The following MGST1 variants were observed in gnomAD, a reference collection of about 807,000 sequenced individuals.
The protein encoded by MGST1 is microsomal glutathione S-transferase 1.
A neutral mutation model predicts 8.9 loss-of-function variants in MGST1; 5 were observed. The observed-to-expected ratio is 0.56, with a 90% CI of 0.29 to 1.19. The LOEUF (loss-of-function observed/expected upper bound fraction) is 1.19, where lower values mean the gene tolerates loss of function less well. Among genes scored for constraint, MGST1 ranks in the 50% most tolerant of loss-of-function variants. The pLI is 0.08. For missense variants in MGST1, 182 were observed against 187.4 expected, an observed-to-expected ratio of 0.97 and a Z score of 0.17; for synonymous variants, 54 against 67.8, an observed-to-expected ratio of 0.80 and a Z score of 1.00.
chr12:16,347,821 TTG>T lies in MGST1; in HGVS notation c.-23+112_-23+113del, dbSNP rs1939270286. On this transcript the variant is annotated intron_variant, in intron 1 of 3. Transcript: ENST00000396210. The surrounding 1 kb of genome is among the most constrained non-coding windows in gnomAD (Gnocchi z 4.0). ...GGGGGTCTCTGCCAGCTGGAAGTGCTTGGCTCCACTTAGCAGCTAAACTTAGC... is the reference window on the plus strand; with the variant it reads ...GGGGGTCTCTGCCAGCTGGAAGTGCTGCTCCACTTAGCAGCTAAACTTAGC... 6.6e-6 allele frequency: 1 copy of T among 152,318 alleles called. No individual in the cohort carries two copies. The highest frequency in any genetic ancestry group is 2.1e-4 in the South Asian group (1 of 4,838). The allele number at this position is 152,318 out of a possible 1,614,324, so 9.4% of individuals were successfully genotyped here. A position where few individuals can be genotyped will look rare whatever the true frequency, so the allele number is the denominator to read the frequency against.
intron 4 of MGST1, among the ~76,000 whole-genome samples, chr12:16,556,430 C>T (rs1354085063): frequency 2.1e-5 from 3 of 143,728 alleles, no homozygotes; most frequent in African/African-American, 9.0e-5. Context: ...ATATAAGGGA[C>T]AATCAATCCT....
chr12:16,409,176 G>A (rs1256441802), intron 1 of MGST1, among the ~76,000 whole-genome samples: 3 of 152,040 alleles, frequency 2.0e-5, no homozygotes, highest in Non-Finnish European at 4.4e-5. Context: ...TCCTTGAACA[G>A]TTCACAAAGA....
chr12:16,578,818 AAACAAC>A (rs201327858), intron 4 of MGST1, among the ~76,000 whole-genome samples: 1,570 of 141,124 alleles, frequency 0.011, 14 homozygotes, highest in Non-Finnish European at 0.015. Context: ...ATTCTGTCTC[AAACAAC>A]AACAACAACA....
chr12:16,401,218 A>T lies in MGST1; in HGVS notation n.778+17614A>T. On this transcript the variant is annotated intron_variant and non_coding_transcript_variant, in intron 1 of 1. Coordinates refer to the MGST1 transcript ENST00000359720. This position sits in a 1 kb window ranked among gnomAD's most constrained non-coding sequence, Gnocchi z 4.3. ...ATCCATAAGCACTGTGTCACTAAGGAACAGGGCATAGGTTTTCTCTTCTGG... is the reference window on the plus strand; with the variant it reads ...ATCCATAAGCACTGTGTCACTAAGGTACAGGGCATAGGTTTTCTCTTCTGG... 6.4e-7 allele frequency: 1 copy of T among 1,567,448 alleles called. No individual in the cohort carries two copies. Among genetic ancestry groups the T allele is most frequent in the South Asian group, 1.1e-5 (1 of 90,100 alleles).
chr12:16,405,091 A>G (rs992644641), intron 1 of MGST1, among the ~76,000 whole-genome samples: 3 of 152,228 alleles, frequency 2.0e-5, no homozygotes, highest in African/African-American at 7.2e-5. Context: ...AAAGATCTCA[A>G]TTTAACAACC....
intron 3 of MGST1, among the ~76,000 whole-genome samples, chr12:16,358,069 A>T (rs760681462): frequency 3.9e-5 from 6 of 152,210 alleles, no homozygotes; most frequent in Admixed American, 6.5e-5. Flanking sequence ...GTATTTTTGC[A>T]TAAGATTCAA....
intron 4 of MGST1, among the ~76,000 whole-genome samples, chr12:16,474,244 A>C (rs1400897108): frequency 6.6e-6 from 1 of 152,246 alleles, no homozygotes. Flanking sequence ...CCCAATAGCA[A>C]GAAGGCAAAA....
In MGST1 at chr12:16,570,241, C is replaced by T. The variant is rs189985100; in HGVS notation, n.483-19287C>T. Among the ~76,000 whole-genome samples the T allele has an allele frequency of 5.4e-3, 821 of 152,168 alleles. 6 individuals are homozygous for T. Among genetic ancestry groups the T allele is most frequent in the Non-Finnish European group, 7.0e-3 (475 of 67,976 alleles). ...GGTGAAACTTTTTATGTAAGTAATACTTTCCTAAAAATCGGCATTGAAGTC... is the reference window on the plus strand; with the variant it reads ...GGTGAAACTTTTTATGTAAGTAATATTTTCCTAAAAATCGGCATTGAAGTC... On this transcript the variant is annotated intron_variant and non_coding_transcript_variant, in intron 4 of 4. Transcript: ENST00000538857.
Position 16,555,439 on chromosome 12 carries a change from C to T in MGST1, n.483-34089C>T, listed in dbSNP as rs1421808785. On this transcript the variant is annotated intron_variant and non_coding_transcript_variant, in intron 4 of 4. Coordinates refer to the MGST1 transcript ENST00000538857. The surrounding 1 kb of genome is among the most constrained non-coding windows in gnomAD (Gnocchi z 5.5). ...TCAGCAGTTCTGCGGTAAATGACCACGAGTTATATTTCTTTTGAACCCTTT... is the reference window on the plus strand; with the variant it reads ...TCAGCAGTTCTGCGGTAAATGACCATGAGTTATATTTCTTTTGAACCCTTT... Among the ~76,000 whole-genome samples, 2 of 152,142 alleles carry T rather than the reference C, an allele frequency of 1.3e-5. No homozygotes were observed. Among genetic ancestry groups the T allele is most frequent in the Admixed American group, 1.3e-4 (2 of 15,266 alleles).
At chr12:16,483,527 A>C (rs144663264) in intron 4 of MGST1, among the ~76,000 whole-genome samples, 3 of 152,282 alleles carry the variant, frequency 2.0e-5, no homozygotes, top group African/African-American at 7.2e-5. Context: ...ACCATATTCT[A>C]ACCAAAAGTT....
At chr12:16,580,609 T>C (rs1943130387) in intron 4 of MGST1, among the ~76,000 whole-genome samples, 1 of 152,022 alleles carries the variant, frequency 6.6e-6, no homozygotes, top group Non-Finnish European at 1.5e-5. Context: ...CATGGAAAAA[T>C]GTAGATCATA....
chr12:16,355,200 G>A, intron 2 of MGST1, among the ~76,000 whole-genome samples: 1 of 136,918 alleles, frequency 7.3e-6, no homozygotes, highest in African/African-American at 2.7e-5. Context: ...GTGTTTCCTT[G>A]TTACTTTTTT....
chr12:16,489,059 A>C (rs1054021094), intron 4 of MGST1, among the ~76,000 whole-genome samples: 8 of 152,128 alleles, frequency 5.3e-5, no homozygotes, highest in African/African-American at 1.9e-4. Flanking sequence ...GCAGTGAGCT[A>C]TTATCGTGTC....
chr12:16,530,452 C>T (rs111881577), intron 4 of MGST1, among the ~76,000 whole-genome samples: 3,707 of 152,036 alleles, frequency 0.024, 151 homozygotes, highest in African/African-American at 0.084. Context: ...AACTTGACAG[C>T]GAAACAAATA....
chr12:16,384,625 G>A (rs900154768), intron 1 of MGST1, among the ~76,000 whole-genome samples: 3 of 152,200 alleles, frequency 2.0e-5, no homozygotes, highest in Admixed American at 6.5e-5. Context: ...GTTTTAAGCC[G>A]CTAAGTTTGT....
intron 4 of MGST1, among the ~76,000 whole-genome samples, chr12:16,509,477 A>G (rs1299096317): frequency 4.6e-5 from 7 of 152,252 alleles, no homozygotes; most frequent in African/African-American, 1.4e-4. Context: ...AGTAAACACT[A>G]TAGCTTTAGT....
chr12:16,588,384 A>C (rs1057054762), intron 4 of MGST1, among the ~76,000 whole-genome samples: 1 of 152,038 alleles, frequency 6.6e-6, no homozygotes, highest in South Asian at 2.1e-4. Context: ...ACCTGAGAAA[A>C]AGATGCAAAA....
chr12:16,356,393 G>T (rs1246788751), intron 2 of MGST1, among the ~76,000 whole-genome samples: 1 of 152,038 alleles, frequency 6.6e-6, no homozygotes, highest in African/African-American at 2.4e-5. Flanking sequence ...GAACAAGACA[G>T]ACAGGCCTGA....
intron 4 of MGST1, among the ~76,000 whole-genome samples, chr12:16,535,758 T>A (rs1213151522): frequency 1.3e-5 from 2 of 152,140 alleles, no homozygotes; most frequent in Non-Finnish European, 2.9e-5. Context: ...CAAAAATATG[T>A]GTCAAAAGCA....
Sources: gnomAD v4.1 joint callset for allele counts (sites outside exome capture counted in the v4.1 genomes callset) on GRCh38, gnomAD v4.1.1 for gene constraint, Gnocchi (gnomAD v3.1) non-coding constraint, MANE v1.5 for transcripts, NCBI Gene and HGNC (gene_info 2026-07-23, HGNC 2026-07-21) for gene names.